Variants in MSI2 observed in about 807,000 individuals in gnomAD.
MSI2 encodes musashi RNA binding protein 2, also known as RNA-binding protein Musashi homolog 2.
In MSI2, 17 loss-of-function variants were observed where a neutral mutation model predicts 45.6. That is an observed-to-expected ratio of 0.37 (90% CI 0.26 to 0.56). The LOEUF is 0.56. Among genes scored for constraint, MSI2 ranks in the 20% least tolerant of loss-of-function variants. MSI2 has a pLI of 0.77. For missense variants in MSI2, 293 were observed against 444.2 expected (o/e 0.66, Z 3.06); for synonymous variants, 156 against 158.2 (o/e 0.99, Z 0.11).
Position 57,260,938 on chromosome 17 carries a change from T to G in MSI2, c.271-1213T>G, listed in dbSNP as rs189811840. 7.5e-4 allele frequency among the ~76,000 whole-genome samples: 112 copies of G among 149,352 alleles called. No homozygotes were observed. The Middle Eastern group carries it at 0.017, about 23-fold the overall frequency. ...CTCTTTTCTCCCCTGCTCCTTCTCATGGCAGAAGTGAAAACAAAGCTCAGA... is the reference window on the plus strand; with the variant it reads ...CTCTTTTCTCCCCTGCTCCTTCTCAGGGCAGAAGTGAAAACAAAGCTCAGA... On this transcript the variant is annotated intron_variant, in intron 4 of 13. Transcript: ENST00000284073.
chr17:57,549,025 A>T (rs1480421993), intron 7 of MSI2, among the ~76,000 whole-genome samples: 1 of 151,584 alleles, frequency 6.6e-6, no homozygotes. Flanking sequence ...TGACTTTTCC[A>T]AAGACAGAAT....
intron 7 of MSI2, among the ~76,000 whole-genome samples, chr17:57,566,390 A>G (rs2087733030): frequency 6.6e-6 from 1 of 152,184 alleles, no homozygotes; most frequent in Non-Finnish European, 1.5e-5. Context: ...TTCTCCTAAT[A>G]AAATTTAAAA....
intron 5 of MSI2, among the ~76,000 whole-genome samples, chr17:57,321,850 G>T (rs1913369639): frequency 1.3e-5 from 2 of 151,906 alleles, no homozygotes; most frequent in Admixed American, 1.3e-4. Context: ...AGGCTGGAGT[G>T]CCGTGGCGCG....
intron 10 of MSI2, among the ~76,000 whole-genome samples, chr17:57,639,981 T>A (rs1910129389): frequency 6.6e-6 from 1 of 152,160 alleles, no homozygotes; most frequent in Non-Finnish European, 1.5e-5. Context: ...CAGTGGTGAA[T>A]GAGAGGTGGG....
intron 6 of MSI2, among the ~76,000 whole-genome samples, chr17:57,439,951 AG>A (rs530857180): frequency 6.6e-6 from 1 of 151,436 alleles, no homozygotes; most frequent in African/African-American, 2.4e-5. Flanking sequence ...GTGGGATAAG[AG>A]GGGGGGTCTG....
chr17:57,700,755 A>G, the MSI2 span, among the ~76,000 whole-genome samples: 1 of 152,086 alleles, frequency 6.6e-6, no homozygotes, highest in South Asian at 2.1e-4. Context: ...ATACAAAAAT[A>G]GCTGGGCGTG....
At chr17:57,272,711 C>T (rs1908484408) in intron 5 of MSI2, among the ~76,000 whole-genome samples, 1 of 152,180 alleles carries the variant, frequency 6.6e-6, no homozygotes, top group Non-Finnish European at 1.5e-5. Context: ...TCGAGAGTAC[C>T]TGGCTCAGTT....
At chr17:57,604,119 C>T (rs542779640) in intron 8 of MSI2, among the ~76,000 whole-genome samples, 28 of 152,340 alleles carry the variant, frequency 1.8e-4, no homozygotes, top group African/African-American at 6.5e-4. Context: ...GCTGAACCCC[C>T]TTCCACTTCC....
At chr17:57,504,697 G>A (rs1372710261) in intron 6 of MSI2, among the ~76,000 whole-genome samples, 6 of 152,164 alleles carry the variant, frequency 3.9e-5, no homozygotes, top group Admixed American at 1.3e-4. Flanking sequence ...TTGGGAGGCC[G>A]AGGCGGGTGG....
intron 5 of MSI2, among the ~76,000 whole-genome samples, chr17:57,347,895 T>C (rs923617831): frequency 6.6e-6 from 1 of 152,238 alleles, no homozygotes; most frequent in East Asian, 1.9e-4. Context: ...TCAGAGGCTG[T>C]GCCCTTTGCC....
chr17:57,287,292 G>A (rs761221733), intron 5 of MSI2, among the ~76,000 whole-genome samples: 4 of 152,098 alleles, frequency 2.6e-5, no homozygotes, highest in Non-Finnish European at 5.9e-5. Context: ...CCAGCCTGGC[G>A]AGGCTGTCCT....
chr17:57,514,954 C>A (rs568684478), intron 6 of MSI2, among the ~76,000 whole-genome samples: 1 of 152,156 alleles, frequency 6.6e-6, no homozygotes, highest in Non-Finnish European at 1.5e-5. Flanking sequence ...GTCAGGCCTG[C>A]TTGCCTTACA....
rs551486666 is a variant in MSI2 at position 57,347,581 on chromosome 17, C to A, written c.313-53798C>A. ...CTCTCAGCATCATGTATGTTGAAAC[C>A]CATGGTACTTATATTGGAGTTGTTC... On this transcript the variant is annotated intron_variant, in intron 5 of 13. Transcript: ENST00000284073. 9.9e-5 allele frequency among the ~76,000 whole-genome samples: 15 copies of A among 152,242 alleles called. No individual in the cohort carries two copies. The South Asian group carries it at 3.1e-3, about 32-fold the overall frequency.
chr17:57,372,962 A>G (rs2083442061), intron 5 of MSI2, among the ~76,000 whole-genome samples: 1 of 152,176 alleles, frequency 6.6e-6, no homozygotes, highest in African/African-American at 2.4e-5. Flanking sequence ...AGAATTACCA[A>G]ATATGGCTGG....
intron 6 of MSI2, among the ~76,000 whole-genome samples, chr17:57,413,929 T>C (rs796560739): frequency 2.6e-5 from 4 of 152,090 alleles, no homozygotes; most frequent in African/African-American, 9.7e-5. Flanking sequence ...CATTGATTCA[T>C]TCAGCAGACC....
At chr17:57,676,323 G>A (rs149077773) in intron 12 of MSI2, among the ~76,000 whole-genome samples, 209 of 152,292 alleles carry the variant, frequency 1.4e-3, no homozygotes, top group African/African-American at 4.7e-3. Flanking sequence ...CCCTACTTGT[G>A]CAGGATGGGT....
intron 5 of MSI2, among the ~76,000 whole-genome samples, chr17:57,372,615 C>G (rs1299440231): frequency 6.6e-6 from 1 of 152,120 alleles, no homozygotes; most frequent in Non-Finnish European, 1.5e-5. Flanking sequence ...TTTTCTGTTT[C>G]TTTTATTACA....
At chr17:57,597,175 A>T (rs1475508755) in intron 8 of MSI2, among the ~76,000 whole-genome samples, 1 of 152,074 alleles carries the variant, frequency 6.6e-6, no homozygotes, top group Non-Finnish European at 1.5e-5. Context: ...GCAGGCCATA[A>T]AGCTGACTGC....
At chr17:57,608,490 C>G (rs959815010) in intron 8 of MSI2, 1 of 152,408 alleles carries the variant, frequency 6.6e-6, no homozygotes, top group East Asian at 1.9e-4. Context: ...GGGTTCCACC[C>G]CCTCTCCTTG....
Sources: gnomAD v4.1 joint callset for allele counts (sites outside exome capture counted in the v4.1 genomes callset) on GRCh38, gnomAD v4.1.1 for gene constraint, MANE v1.5 for transcripts, NCBI Gene and HGNC (gene_info 2026-07-23, HGNC 2026-07-21) for gene names.